The following ZNF578 variants were observed in gnomAD, a reference collection of about 807,000 sequenced individuals.
ZNF578 encodes the protein zinc finger protein 578.
Under a neutral mutation model 8.3 loss-of-function variants are expected in ZNF578, and 8 were observed. That is an observed-to-expected ratio of 0.96 (90% confidence interval 0.56 to 1.74). The LOEUF is 1.74. ZNF578 is among the 40% of genes most tolerant of loss of function. The probability of loss-of-function intolerance (pLI) is 0.00; values close to 1 mark genes in which losing one functional copy is unlikely to be tolerated. For missense variants in ZNF578, 726 were observed against 707.5 expected, an observed-to-expected ratio of 1.03 and a Z score of -0.30; for synonymous variants, 206 against 232.2, an observed-to-expected ratio of 0.89 and a Z score of 1.03.
intron 2 of ZNF578, among the ~76,000 whole-genome samples, chr19:52,484,322 C>T (rs1341883397): frequency 2.0e-5 from 3 of 152,222 alleles, no homozygotes; most frequent in Non-Finnish European, 4.4e-5. Flanking sequence ...GAGTGGGAGA[C>T]AGATGCCTTC....
intron 2 of ZNF578, among the ~76,000 whole-genome samples, chr19:52,478,041 G>A (rs905046715): frequency 6.6e-6 from 1 of 152,174 alleles, no homozygotes; most frequent in Non-Finnish European, 1.5e-5. Flanking sequence ...CTGAATAAGG[G>A]CCATGACCTA....
chr19:52,501,214 C>G (rs776441675), intron 3 of ZNF578, among the ~76,000 whole-genome samples: 27 of 152,194 alleles, frequency 1.8e-4, no homozygotes, highest in Non-Finnish European at 2.8e-4. Context: ...CATCCACTGT[C>G]TGGATCCTGG....
intron 3 of ZNF578, among the ~76,000 whole-genome samples, chr19:52,495,323 T>A (rs916088628): frequency 2.1e-5 from 3 of 144,596 alleles, no homozygotes; most frequent in Non-Finnish European, 4.6e-5. Flanking sequence ...TGCGCCACCA[T>A]GCCCCGCTAA....
chr19:52,475,851 C>T lies in ZNF578; in HGVS notation c.-121-15473C>T, dbSNP rs563104576. ...TTTAGTTAAAGCCTGCTTTGTTCCT[C>T]GGAATAACTCATGTGAGATTTGATC... On this transcript the variant is annotated intron_variant, in intron 2 of 5. Coordinates refer to ENST00000421239, the MANE Select transcript of ZNF578 (RefSeq NM_001099694.2). 3.1e-4 allele frequency among the ~76,000 whole-genome samples: 47 copies of T among 152,184 alleles called. No homozygotes were observed. The South Asian group carries it at 8.3e-3, about 27-fold the overall frequency.
chr19:52,459,612 TAC>T (rs71180468), intron 2 of ZNF578, among the ~76,000 whole-genome samples: 69,547 of 118,476 alleles, frequency 0.59, 21,723 homozygotes, highest in Non-Finnish European at 0.74. Flanking sequence ...AATGTGTATG[TAC>T]ACACACACAC....
intron 3 of ZNF578, among the ~76,000 whole-genome samples, chr19:52,496,406 T>G (rs2059386634): frequency 6.9e-6 from 1 of 145,618 alleles, no homozygotes; most frequent in African/African-American, 2.6e-5. Flanking sequence ...CTCGGCTCAC[T>G]GCAAGCTCCG....
intron 2 of ZNF578, among the ~76,000 whole-genome samples, chr19:52,477,439 A>T (rs1187897139): frequency 2.0e-5 from 3 of 152,086 alleles, no homozygotes; most frequent in African/African-American, 7.2e-5. Flanking sequence ...TGATTAGCCC[A>T]GTGATTTTCT....
At chr19:52,500,408 CTTT>C (rs71180471) in intron 3 of ZNF578, among the ~76,000 whole-genome samples, 18 of 138,874 alleles carry the variant, frequency 1.3e-4, no homozygotes, top group Admixed American at 6.5e-4. Context: ...TTTGAGTTTC[CTTT>C]TTTTTTTTTT....
In ZNF578 at chr19:52,458,468, T is replaced by TTA. The variant is rs6146551; in HGVS notation, c.-122+1524_-122+1525dup. 125 of 121,750 alleles carry TTA rather than the reference T, an allele frequency of 1.0e-3. 13 individuals are homozygous for TTA. Among genetic ancestry groups the TTA allele is most frequent in the African/African-American group, 4.7e-3 (119 of 25,284 alleles). The allele number at this position is 121,750 out of a possible 1,614,324, so 7.5% of individuals were successfully genotyped here. A position where few individuals can be genotyped will look rare whatever the true frequency, so the allele number is the denominator to read the frequency against. On this transcript the variant is annotated intron_variant, in intron 2 of 5. Coordinates refer to ENST00000421239, the MANE Select transcript of ZNF578 (RefSeq NM_001099694.2). ...AAAAAACAACAACTTGCTACTATGT[T>TTA]TATATATATATATATTTTGAAAATC...
At chr19:52,509,461 G>A (rs1599916869) in intron 5 of ZNF578, among the ~76,000 whole-genome samples, 2 of 152,078 alleles carry the variant, frequency 1.3e-5, no homozygotes, top group South Asian at 4.1e-4. Flanking sequence ...TCAGTATGTG[G>A]TATGCAATAT....
chr19:52,484,978 A>G (rs2059339838), intron 2 of ZNF578, among the ~76,000 whole-genome samples: 1 of 144,624 alleles, frequency 6.9e-6, no homozygotes, highest in Non-Finnish European at 1.5e-5. Flanking sequence ...GAGACCACCA[A>G]ACAGACTTTG....
chr19:52,509,694 C>T (rs2059437671), intron 5 of ZNF578, among the ~76,000 whole-genome samples: 1 of 151,960 alleles, frequency 6.6e-6, no homozygotes, highest in Non-Finnish European at 1.5e-5. Context: ...TTCAACCCAG[C>T]AGGCAGAGGT....
intron 2 of ZNF578, among the ~76,000 whole-genome samples, chr19:52,486,349 C>T (rs2122861183): frequency 6.6e-6 from 1 of 152,284 alleles, no homozygotes; most frequent in South Asian, 2.1e-4. Flanking sequence ...AACTCAGAGA[C>T]CAGTGCCGTC....
At chr19:52,493,672 A>G (rs1443397420) in intron 3 of ZNF578, among the ~76,000 whole-genome samples, 1 of 151,894 alleles carries the variant, frequency 6.6e-6, no homozygotes, top group Non-Finnish European at 1.5e-5. Flanking sequence ...AGGACGATCG[A>G]AAGATTGGGG....
chr19:52,490,367 C>T (rs1673917), intron 2 of ZNF578, among the ~76,000 whole-genome samples: 110,133 of 152,086 alleles, frequency 0.72, 40,353 homozygotes, highest in African/African-American at 0.84. Flanking sequence ...TCAGTTCTTA[C>T]AGTGTGTGCT....
chr19:52,470,765 G>A (rs7246597), intron 2 of ZNF578, among the ~76,000 whole-genome samples: 136,182 of 151,850 alleles, frequency 0.9, 61,645 homozygotes, highest in Non-Finnish European at 0.96. Context: ...TTTGGCCTTC[G>A]GACTCTGAGG....
chr19:52,500,428 A>G (rs2059402763), intron 3 of ZNF578, among the ~76,000 whole-genome samples: 2 of 141,720 alleles, frequency 1.4e-5, no homozygotes, highest in Admixed American at 7.3e-5. Flanking sequence ...TTTTTTTGAG[A>G]TGAAGTCCCA....
chr19:52,461,752 C>G (rs967356391), intron 2 of ZNF578, among the ~76,000 whole-genome samples: 1 of 152,194 alleles, frequency 6.6e-6, no homozygotes, highest in Non-Finnish European at 1.5e-5. Flanking sequence ...AAAACTGATA[C>G]ACAAATTGAA....
rs1170209240 is a variant in ZNF578, at chr19:52,514,853, G to C, written c.*2699G>C. 6.6e-6 allele frequency among the ~76,000 whole-genome samples: 1 copy of C among 152,024 alleles called. No homozygotes were observed. The highest frequency in any genetic ancestry group is 2.4e-5 in the African/African-American group (1 of 41,374). ...AGTTTTTGTATTTTTAGTAGAGACA[G>C]GGTTTCACCATGTTTGTCAGGCTGG... On this transcript the variant is annotated 3_prime_UTR_variant, in exon 6 of 6. Coordinates refer to ENST00000421239, the MANE Select transcript of ZNF578 (RefSeq NM_001099694.2).
Sources: allele counts gnomAD v4.1 joint callset (sites outside exome capture counted in the v4.1 genomes callset), GRCh38; gene constraint gnomAD v4.1.1; transcripts MANE v1.5; gene names NCBI Gene and HGNC (gene_info 2026-07-23, HGNC 2026-07-21).